The following SPIDR variants were observed in gnomAD, a reference collection of about 807,000 sequenced individuals.
SPIDR encodes the protein scaffold protein involved in DNA repair.
In SPIDR, 93 loss-of-function variants were observed where a neutral mutation model predicts 104.6. The observed-to-expected ratio is 0.89, with a 90% CI of 0.75 to 1.06. The LOEUF (loss-of-function observed/expected upper bound fraction) is 1.06. SPIDR is among the 50% of genes least tolerant of loss of function. SPIDR has a pLI of 0.00. For synonymous variants in SPIDR, 431 were observed against 416.9 expected, an observed-to-expected ratio of 1.03 and a Z score of -0.41; for missense variants, 1,154 against 1,111.2, an observed-to-expected ratio of 1.04 and a Z score of -0.55.
intron 14 of SPIDR, among the ~76,000 whole-genome samples, chr8:47,710,552 T>G (rs1003791197): frequency 6.6e-6 from 1 of 150,924 alleles, no homozygotes; most frequent in Non-Finnish European, 1.5e-5. Flanking sequence ...CACCGCAACC[T>G]CTGCCTCCTG....
At chr8:47,277,916 G>A (rs890534835) in intron 1 of SPIDR, among the ~76,000 whole-genome samples, 2 of 151,576 alleles carry the variant, frequency 1.3e-5, no homozygotes, top group East Asian at 3.9e-4. Flanking sequence ...TTTGTGATTC[G>A]CCCGCCTTGG....
intron 10 of SPIDR, among the ~76,000 whole-genome samples, chr8:47,655,879 A>G (rs1447593202): frequency 6.6e-6 from 1 of 152,142 alleles, no homozygotes; most frequent in African/African-American, 2.4e-5. Flanking sequence ...TAAGTCTTTA[A>G]AGATATATAT....
chr8:47,654,969 A>T (rs2072461565), intron 10 of SPIDR, among the ~76,000 whole-genome samples: 1 of 151,680 alleles, frequency 6.6e-6, no homozygotes, highest in South Asian at 2.1e-4. Context: ...GAGTGAGAAC[A>T]TGCGGTGTTT....
chr8:47,449,935 C>A (rs375080352), intron 8 of SPIDR, among the ~76,000 whole-genome samples: 2 of 152,026 alleles, frequency 1.3e-5, no homozygotes, highest in Admixed American at 1.3e-4. Flanking sequence ...TTTGGGAGGC[C>A]GAGGCAGGCA....
In SPIDR at chr8:47,293,984, G is replaced by A. The variant is rs2040390445; in HGVS notation, c.479G>A (p.Ser160Asn). The change falls in exon 5 of 20, where the codon AGT becomes AAT. Residue 160 changes from serine (S) to asparagine (N), a missense_variant. Physicochemically the swap from Ser to Asn is conservative, Grantham distance 46. Coordinates refer to ENST00000297423, the MANE Select transcript of SPIDR (RefSeq NM_001080394.4). ...VEISDCASCA[S>N]NQSLTSDEKL... is the part of the protein sequence containing the mutation. ...ATCTCAGACTGTGCTTCTTGTGCAA[G>A]TAATCAGTCTTTGACAAGTGATGAG... The A allele has an allele frequency of 3.1e-6, 5 of 1,614,132 alleles. No homozygotes were observed. Among genetic ancestry groups the A allele is most frequent in the Non-Finnish European group, 3.4e-6 (4 of 1,180,000 alleles).
chr8:47,352,145 T>C (rs1554622792), intron 5 of SPIDR, among the ~76,000 whole-genome samples: 1 of 151,770 alleles, frequency 6.6e-6, no homozygotes, highest in Non-Finnish European at 1.5e-5. Flanking sequence ...GGCGTGATGG[T>C]GCGTGCCTGT....
chr8:47,363,854 T>TTCTCTCTCTGTC lies in SPIDR; in HGVS notation c.526-32512_526-32501dup, dbSNP rs1554632361. Among the ~76,000 whole-genome samples, 7 of 151,656 alleles carry TTCTCTCTCTGTC rather than the reference T, an allele frequency of 4.6e-5. No individual in the cohort carries two copies. The East Asian group carries it at 1.4e-3, about 30-fold the overall frequency. On this transcript the variant is annotated intron_variant, in intron 5 of 19. Coordinates refer to ENST00000297423, the MANE Select transcript of SPIDR (RefSeq NM_001080394.4). ...TCTGTTCTGTAGGTTTTTTTTTTTTTTCTCTCTCTGTCTCTCTCTCTTTCA... is the reference window on the plus strand; with the variant it reads ...TCTGTTCTGTAGGTTTTTTTTTTTTTTCTCTCTCTGTCTCTCTCTCTGTCTCTCTCTCTTTCA...
intron 7 of SPIDR, chr8:47,419,271 TATTA>T (rs2154332536): frequency 6.6e-6 from 1 of 152,356 alleles, no homozygotes; most frequent in South Asian, 2.1e-4. Flanking sequence ...TTTGGTAAGC[TATTA>T]ATTATTGCCT....
intron 8 of SPIDR, among the ~76,000 whole-genome samples, chr8:47,463,602 T>C (rs2074301847): frequency 6.6e-6 from 1 of 152,088 alleles, no homozygotes; most frequent in Non-Finnish European, 1.5e-5. Context: ...CCCTGATGAA[T>C]ATTGATGAAA....
chr8:47,502,155 T>G (rs954361071), intron 8 of SPIDR, among the ~76,000 whole-genome samples: 3 of 152,226 alleles, frequency 2.0e-5, no homozygotes, highest in Admixed American at 2.0e-4. Context: ...GCTGGCCTCA[T>G]AAAATGAGTT....
chr8:47,588,783 G>A (rs988650541), intron 8 of SPIDR, among the ~76,000 whole-genome samples: 3 of 152,074 alleles, frequency 2.0e-5, no homozygotes, highest in Admixed American at 1.3e-4. Context: ...TATTAAGGAT[G>A]GACGTTGAAT....
At chr8:47,595,724 C>G in intron 8 of SPIDR, 87 bp from the exon 9 acceptor site, 1 of 1,300,070 alleles carries the variant, frequency 7.7e-7, no homozygotes, top group South Asian at 1.2e-5. Context: ...GCAGGCGAGT[C>G]ATTGCTCTTT....
intron 5 of SPIDR, among the ~76,000 whole-genome samples, chr8:47,322,062 A>T (rs1554596283): frequency 6.6e-6 from 1 of 152,218 alleles, no homozygotes; most frequent in African/African-American, 2.4e-5. Flanking sequence ...AAAACACCAA[A>T]AGCAATGGCA....
chr8:47,281,096 A>G (rs1314565250), intron 2 of SPIDR, among the ~76,000 whole-genome samples: 3 of 152,234 alleles, frequency 2.0e-5, no homozygotes, highest in African/African-American at 7.2e-5. Flanking sequence ...TGTTTATATT[A>G]TAATGTAGTC....
rs1283354520 is a variant in SPIDR, at chr8:47,280,977, G to A, written c.189+960G>A. On this transcript the variant is annotated intron_variant, in intron 2 of 19. Transcript: ENST00000297423. Reference sequence around the variant, plus strand: ...CAAGAAATGCATGTTTACTCTGGAGGCGTACTCTGGAGATATTGCAGGTTT... The same window carrying A: ...CAAGAAATGCATGTTTACTCTGGAGACGTACTCTGGAGATATTGCAGGTTT... Among the ~76,000 whole-genome samples the A allele has an allele frequency of 2.6e-5, 4 of 152,292 alleles. No homozygotes were observed. The East Asian group carries it at 7.7e-4, about 29-fold the overall frequency.
chr8:47,368,819 G>T (rs113905911), intron 5 of SPIDR, among the ~76,000 whole-genome samples: 1 of 152,108 alleles, frequency 6.6e-6, no homozygotes, highest in African/African-American at 2.4e-5. Flanking sequence ...TTCTGGGCAC[G>T]ATTTTTAAAA....
At chr8:47,450,601 A>G (rs1268127076) in intron 8 of SPIDR, among the ~76,000 whole-genome samples, 1 of 152,238 alleles carries the variant, frequency 6.6e-6, no homozygotes, top group Non-Finnish European at 1.5e-5. Flanking sequence ...AGTCTCTCAT[A>G]TGCAAATGTA....
intron 14 of SPIDR, among the ~76,000 whole-genome samples, chr8:47,710,392 A>G (rs2081681461): frequency 6.6e-6 from 1 of 152,194 alleles, no homozygotes; most frequent in Admixed American, 6.5e-5. Context: ...CAAAGAGCAT[A>G]TAAAATCTTT....
chr8:47,318,687 C>T (rs1183710139), intron 5 of SPIDR, among the ~76,000 whole-genome samples: 1 of 149,388 alleles, frequency 6.7e-6, no homozygotes, highest in Non-Finnish European at 1.5e-5. Flanking sequence ...TTAAGGGCAG[C>T]CAGAGAGAAA....
Sources: allele counts gnomAD v4.1 joint callset (sites outside exome capture counted in the v4.1 genomes callset), GRCh38; gene constraint gnomAD v4.1.1; transcripts MANE v1.5; gene names NCBI Gene and HGNC (gene_info 2026-07-23, HGNC 2026-07-21).